ANKS1A: variants seen among roughly 807,000 people sequenced by gnomAD.
The protein encoded by ANKS1A is ankyrin repeat and sterile alpha motif domain containing 1A, also known as ankyrin repeat and SAM domain-containing protein 1A.
ANKS1A carries 55 observed loss-of-function variants against 120.3 expected under a neutral mutation model. That is an observed-to-expected ratio of 0.46 (90% CI 0.37 to 0.57). The LOEUF (loss-of-function observed/expected upper bound fraction) is 0.57. Among genes scored for constraint, ANKS1A ranks in the 20% least tolerant of loss-of-function variants. ANKS1A has a pLI of 0.00. For missense variants in ANKS1A, 1,123 were observed against 1,480.3 expected (o/e 0.76, Z 3.96); for synonymous variants, 590 against 604.7 (o/e 0.98, Z 0.36).
intron 10 of ANKS1A, among the ~76,000 whole-genome samples, chr6:35,016,791 G>C (rs1347416587): frequency 6.7e-6 from 1 of 149,510 alleles, no homozygotes; most frequent in African/African-American, 2.4e-5. Context: ...AAGAGAGAGA[G>C]AAAGAAAAGT....
At chr6:34,903,492 T>TTTTG (rs200953717) in intron 1 of ANKS1A, among the ~76,000 whole-genome samples, 1 of 151,532 alleles carries the variant, frequency 6.6e-6, no homozygotes, top group Admixed American at 6.6e-5. Flanking sequence ...GTTTGCCTAA[T>TTTTG]TTTGTTTGTT....
intron 18 of ANKS1A, 50 bp from the exon 19 acceptor site, chr6:35,083,105 T>A: frequency 6.2e-7 from 1 of 1,608,004 alleles, no homozygotes; most frequent in African/African-American, 1.3e-5. Flanking sequence ...GGGTCACCCC[T>A]GCATGGAAAC....
chr6:34,979,170 C>T (rs1169168389), intron 3 of ANKS1A, among the ~76,000 whole-genome samples: 1 of 152,148 alleles, frequency 6.6e-6, no homozygotes, highest in Non-Finnish European at 1.5e-5. Context: ...GCTAGGATTA[C>T]AGGCATGAGC....
intron 1 of ANKS1A, among the ~76,000 whole-genome samples, chr6:34,936,315 G>A (rs847852): frequency 0.6 from 91,812 of 152,000 alleles, 30,830 homozygotes; most frequent in African/African-American, 0.91. Context: ...TGAAGGGCGC[G>A]AGATTCTGAT....
chr6:34,946,519 C>T (rs1298213195), intron 1 of ANKS1A, among the ~76,000 whole-genome samples: 1 of 150,282 alleles, frequency 6.7e-6, no homozygotes, highest in Non-Finnish European at 1.5e-5. Flanking sequence ...ACCCAGGAGG[C>T]GGAGATTGCA....
intron 23 of ANKS1A, among the ~76,000 whole-genome samples, chr6:35,088,194 C>T (rs141324819): frequency 6.6e-6 from 1 of 152,372 alleles, no homozygotes; most frequent in East Asian, 1.9e-4. Flanking sequence ...CCCATCGCAG[C>T]AGCTCAGAAG....
intron 11 of ANKS1A, among the ~76,000 whole-genome samples, chr6:35,026,042 G>C (rs1259962452): frequency 1.3e-5 from 2 of 152,172 alleles, no homozygotes; most frequent in Non-Finnish European, 2.9e-5. Flanking sequence ...GAAAGCTTGG[G>C]TGACAATGAA....
chr6:34,911,232 A>G (rs1419910440), intron 1 of ANKS1A, among the ~76,000 whole-genome samples: 2 of 152,152 alleles, frequency 1.3e-5, no homozygotes, highest in Non-Finnish European at 2.9e-5. Context: ...ACTGAGTGGG[A>G]ATTAGTGGTA....
At chr6:34,960,629 G>C (rs1160747090) in intron 1 of ANKS1A, among the ~76,000 whole-genome samples, 1 of 152,142 alleles carries the variant, frequency 6.6e-6, no homozygotes, top group African/African-American at 2.4e-5. Flanking sequence ...GGATTCAAAA[G>C]CCACAGGGCC....
chr6:34,968,761 G>T (rs1771027955), intron 2 of ANKS1A, among the ~76,000 whole-genome samples: 1 of 151,402 alleles, frequency 6.6e-6, no homozygotes, highest in African/African-American at 2.4e-5. Context: ...TTATGAGGAG[G>T]GATTATTGGA....
At chr6:34,993,606 T>C (rs2127537923) in intron 9 of ANKS1A, among the ~76,000 whole-genome samples, 1 of 152,360 alleles carries the variant, frequency 6.6e-6, no homozygotes, top group South Asian at 2.1e-4. Flanking sequence ...GGGGATATCC[T>C]TCCCAATAAC....
At chr6:34,965,871 C>T (rs779327958) in intron 1 of ANKS1A, among the ~76,000 whole-genome samples, 1 of 151,872 alleles carries the variant, frequency 6.6e-6, no homozygotes, top group East Asian at 1.9e-4. Context: ...CTCATCCTCC[C>T]GAGTAGCTGG....
intron 1 of ANKS1A, among the ~76,000 whole-genome samples, chr6:34,930,929 G>A (rs1768948246): frequency 6.6e-6 from 1 of 150,816 alleles, no homozygotes; most frequent in Admixed American, 6.6e-5. Context: ...CCAGGCTGGA[G>A]CGCAATGCAA....
At chr6:35,030,990 G>A (rs893288776) in intron 11 of ANKS1A, among the ~76,000 whole-genome samples, 3 of 152,154 alleles carry the variant, frequency 2.0e-5, no homozygotes, top group Admixed American at 6.5e-5. Context: ...CATGTTGCAG[G>A]CCACCTGATA....
chr6:35,081,646 T>A (rs1777686447), intron 17 of ANKS1A, among the ~76,000 whole-genome samples: 1 of 152,184 alleles, frequency 6.6e-6, no homozygotes, highest in African/African-American at 2.4e-5. Flanking sequence ...CAGACCAGAT[T>A]CTGTTCTTCC....
At chr6:34,962,482 G>A (rs1770688265) in intron 1 of ANKS1A, among the ~76,000 whole-genome samples, 1 of 152,126 alleles carries the variant, frequency 6.6e-6, no homozygotes, top group Non-Finnish European at 1.5e-5. Context: ...TTTTTATGGT[G>A]AGAACACTTA....
intron 3 of ANKS1A, among the ~76,000 whole-genome samples, chr6:34,977,061 T>A (rs910787651): frequency 1.3e-5 from 2 of 152,204 alleles, no homozygotes; most frequent in African/African-American, 4.8e-5. Flanking sequence ...AATTTTTTTA[T>A]GATCGAGAAT....
intron 11 of ANKS1A, among the ~76,000 whole-genome samples, chr6:35,026,852 C>T (rs1774651279): frequency 6.6e-6 from 1 of 151,690 alleles, no homozygotes; most frequent in African/African-American, 2.4e-5. Context: ...GGTTTTTTTC[C>T]TTGATTTCTT....
At position 35,017,616 on chromosome 6, in the gene ANKS1A, G is replaced by C. The variant is rs755087986; in HGVS notation, c.1567G>C (p.Ala523Pro). ...GGACCCTTTCCAGCTGCTCTGTACCGCTGGCCAGAGCCATCCAGACGGGTC... is the reference window on the plus strand; with the variant it reads ...GGACCCTTTCCAGCTGCTCTGTACCCCTGGCCAGAGCCATCCAGACGGGTC... The part of the protein sequence containing the change: ...GQDPFQLLCT[A>P]GQSHPDGSPQ... Residue 523 changes from alanine (A) to proline (P), a missense_variant, in exon 11 of 24, where the codon GCT becomes CCT. This residue lies in a region of ANKS1A where 904 missense variants were observed against 1,130.4 expected (regional missense o/e 0.80). Coordinates refer to ENST00000360359, the MANE Select transcript of ANKS1A (RefSeq NM_015245.3). 6.4e-5 allele frequency: 103 copies of C among 1,613,668 alleles called. 1 individual carries two copies. Among genetic ancestry groups the C allele is most frequent in the Middle Eastern group, 3.3e-4 (2 of 6,084 alleles).
Sources: allele counts gnomAD v4.1 joint callset (sites outside exome capture counted in the v4.1 genomes callset), GRCh38; gene constraint gnomAD v4.1.1; regional missense constraint gnomAD v4.1.1; transcripts MANE v1.5; gene names NCBI Gene and HGNC (gene_info 2026-07-23, HGNC 2026-07-21).